ARHGEF12: variants seen among roughly 807,000 people sequenced by gnomAD.
ARHGEF12 encodes Rho guanine nucleotide exchange factor 12.
A neutral mutation model predicts 211.2 loss-of-function variants in ARHGEF12; 66 were observed. That is an observed-to-expected ratio of 0.31 (90% confidence interval 0.26 to 0.38). The LOEUF (loss-of-function observed/expected upper bound fraction) is 0.38. ARHGEF12 is among the 10% of genes least tolerant of loss of function. ARHGEF12 has a pLI of 1.00. For synonymous variants in ARHGEF12, 592 were observed against 638.4 expected (o/e 0.93, Z 1.09); for missense variants, 1,429 against 1,869.5 (o/e 0.76, Z 4.34).
At chr11:120,457,528 A>G in intron 23 of ARHGEF12, 193 bp from the exon 24 acceptor site, 2 of 449,692 alleles carry the variant, frequency 4.4e-6, no homozygotes. Flanking sequence ...CTAAAACACC[A>G]TTTCAGAACT....
chr11:120,380,435 A>G (rs1290206834), intron 1 of ARHGEF12, among the ~76,000 whole-genome samples: 2 of 152,046 alleles, frequency 1.3e-5, no homozygotes, highest in Non-Finnish European at 2.9e-5. Flanking sequence ...TGTAGTTTTC[A>G]TGTTTCCCCA....
At chr11:120,390,938 G>A (rs957992231) in intron 1 of ARHGEF12, among the ~76,000 whole-genome samples, 4 of 152,202 alleles carry the variant, frequency 2.6e-5, no homozygotes, top group African/African-American at 4.8e-5. Flanking sequence ...ATGAATTAAT[G>A]CATAAAAAGT....
intron 1 of ARHGEF12, among the ~76,000 whole-genome samples, chr11:120,375,001 G>C (rs962282989): frequency 1.3e-5 from 2 of 152,160 alleles, no homozygotes; most frequent in Admixed American, 6.5e-5. Context: ...AAATGAACGA[G>C]ATTGGTATTT....
At chr11:120,401,763 G>A (rs576031299) in intron 1 of ARHGEF12, among the ~76,000 whole-genome samples, 84 of 152,276 alleles carry the variant, frequency 5.5e-4, no homozygotes, top group African/African-American at 1.9e-3. Context: ...AGAAGTTCAA[G>A]TATTGACATG....
At chr11:120,454,628 T>G (rs753377116) in intron 22 of ARHGEF12, among the ~76,000 whole-genome samples, 1 of 152,122 alleles carries the variant, frequency 6.6e-6, no homozygotes, top group South Asian at 2.1e-4. Flanking sequence ...GAGTCTGTCA[T>G]AAAGTTGCAG....
intron 4 of ARHGEF12, among the ~76,000 whole-genome samples, chr11:120,415,537 T>A (rs1945004546): frequency 6.6e-6 from 1 of 152,224 alleles, no homozygotes; most frequent in South Asian, 2.1e-4. Flanking sequence ...GTATTGGTGA[T>A]TTTAGTTCTA....
In ARHGEF12 at chr11:120,376,273, A is replaced by G. The variant is rs75222203; in HGVS notation, c.33-29845A>G. 8.8e-3 allele frequency among the ~76,000 whole-genome samples: 1,343 copies of G among 152,180 alleles called. 89 individuals are homozygous for G. In the South Asian group the frequency reaches 0.16, roughly 18 times the overall value. On this transcript the variant is annotated intron_variant, in intron 1 of 40. Transcript: ENST00000397843. ...CAGAGTTGAGAATTAGATTTTTTAAATGTTCAGATTGTATTTTCAAATTGT... is the reference window on the plus strand; with the variant it reads ...CAGAGTTGAGAATTAGATTTTTTAAGTGTTCAGATTGTATTTTCAAATTGT...
chr11:120,407,324 G>T (rs1273248791), intron 2 of ARHGEF12, among the ~76,000 whole-genome samples: 3 of 152,108 alleles, frequency 2.0e-5, no homozygotes, highest in Non-Finnish European at 4.4e-5. Flanking sequence ...ATGTTAAACC[G>T]TTCTCATGCA....
intron 1 of ARHGEF12, among the ~76,000 whole-genome samples, chr11:120,402,722 T>G (rs1944578406): frequency 6.6e-6 from 1 of 152,196 alleles, no homozygotes; most frequent in African/African-American, 2.4e-5. Flanking sequence ...TATCAGCATT[T>G]CTTCTCATAT....
At position 120,336,996 on chromosome 11, in the gene ARHGEF12, C is replaced by T; in HGVS notation, c.-248C>T. The T allele has an allele frequency of 1.9e-6, 1 of 524,708 alleles. No homozygotes were observed. 32.5% of individuals were successfully genotyped at this position (524,708 alleles called of 1,614,324 possible). On this transcript the variant is annotated 5_prime_UTR_variant, in exon 1 of 41. Coordinates refer to ENST00000397843, the MANE Select transcript of ARHGEF12 (RefSeq NM_015313.3). ...TGCCTTCTGGAGGATTTCTCTCTAG[C>T]TCGACTCACTCTGGACTGACTCGCT...
intron 30 of ARHGEF12, among the ~76,000 whole-genome samples, chr11:120,472,718 G>A (rs776438195): frequency 5.3e-5 from 8 of 151,798 alleles, no homozygotes; most frequent in Non-Finnish European, 8.8e-5. Flanking sequence ...GCAGTGGCGT[G>A]ATCTCGGCTC....
rs74872928 is a variant in ARHGEF12 at position 120,349,436 on chromosome 11, A to G, written c.32+12161A>G. On this transcript the variant is annotated intron_variant, in intron 1 of 40. Coordinates refer to ENST00000397843, the MANE Select transcript of ARHGEF12 (RefSeq NM_015313.3). ...AAAGGAAAAGATATCTCAGCCCTTA[A>G]TTATGTGTGTGTGTATGTGTGTGTA... Among the ~76,000 whole-genome samples, 388 of 152,074 alleles carry G rather than the reference A, an allele frequency of 2.6e-3. 1 individual carries two copies. The highest frequency in any genetic ancestry group is 8.8e-3 in the African/African-American group (365 of 41,498).
At chr11:120,431,060 C>T (rs928019735) in intron 10 of ARHGEF12, among the ~76,000 whole-genome samples, 22 of 152,134 alleles carry the variant, frequency 1.4e-4, no homozygotes, top group Non-Finnish European at 2.8e-4. Flanking sequence ...GAGGCCGAGG[C>T]GGGCAGATCA....
intron 1 of ARHGEF12, chr11:120,337,552 A>G (rs1236461798): frequency 1.0e-6 from 1 of 985,202 alleles, no homozygotes; most frequent in Non-Finnish European, 1.2e-6. Flanking sequence ...GTGCATTAGG[A>G]TTGTGTACTC....
chr11:120,427,551 A>G (rs2135710268), intron 7 of ARHGEF12, among the ~76,000 whole-genome samples: 1 of 151,212 alleles, frequency 6.6e-6, no homozygotes, highest in Non-Finnish European at 1.5e-5. Flanking sequence ...AAAAAAAAAC[A>G]TTGCAGCTAC....
chr11:120,407,586 T>C, intron 2 of ARHGEF12, 152 bp from the exon 3 acceptor site: 1 of 553,580 alleles, frequency 1.8e-6, no homozygotes, highest in Non-Finnish European at 3.2e-6. Flanking sequence ...TAACCAAAAC[T>C]TATTGAAAAA....
At chr11:120,420,661 A>T in intron 4 of ARHGEF12, 92 bp from the exon 5 acceptor site, 1 of 1,071,768 alleles carries the variant, frequency 9.3e-7, no homozygotes, top group Non-Finnish European at 1.4e-6. Flanking sequence ...GTTTCTCCAG[A>T]TGGAACACAG....
At chr11:120,393,857 C>CT (rs143984006) in intron 1 of ARHGEF12, among the ~76,000 whole-genome samples, 2,142 of 145,548 alleles carry the variant, frequency 0.015, 54 homozygotes, top group African/African-American at 0.048. Context: ...CAACCAAATA[C>CT]TTTTTTTTTT....
intron 1 of ARHGEF12, among the ~76,000 whole-genome samples, chr11:120,369,169 C>T (rs1398705330): frequency 7.0e-6 from 1 of 142,252 alleles, no homozygotes; most frequent in East Asian, 2.0e-4. Flanking sequence ...TACTCTGTCC[C>T]CCAGTCTGGA....
Sources: gnomAD v4.1 joint callset for allele counts (sites outside exome capture counted in the v4.1 genomes callset) on GRCh38, gnomAD v4.1.1 for gene constraint, MANE v1.5 for transcripts, NCBI Gene and HGNC (gene_info 2026-07-23, HGNC 2026-07-21) for gene names.